The following DOLK variants were observed in gnomAD, a reference collection of about 807,000 sequenced individuals.
The protein encoded by DOLK is SEC59 homolog.
In DOLK, 20 loss-of-function variants were observed where a neutral mutation model predicts 31.7. The ratio of observed to expected loss-of-function variants is 0.63; its 90% CI spans 0.44 to 0.92. DOLK has a LOEUF of 0.92. Ranked by LOEUF, DOLK falls within the 40% of genes least tolerant of loss-of-function variation. The pLI is 0.00. For missense variants in DOLK, 594 were observed against 680.7 expected, an observed-to-expected ratio of 0.87 and a Z score of 1.42; for synonymous variants, 309 against 287.0, an observed-to-expected ratio of 1.08 and a Z score of -0.77.
rs903673216 is a variant in DOLK, at chr9:128,947,358, T to C, written c.-55A>G. 1.9e-6 allele frequency: 3 copies of C among 1,606,722 alleles called. No homozygotes were observed. The highest frequency in any genetic ancestry group is 8.5e-7 in the Non-Finnish European group (1 of 1,176,912). On this transcript the variant is annotated 5_prime_UTR_variant, in exon 1 of 1. Coordinates refer to ENST00000372586, the MANE Select transcript of DOLK (RefSeq NM_014908.4). The stretch of plus-strand genomic sequence containing the variant: ...GGGGCGACTACGGACGCCCTAGACT[T>C]CGGGCCCCTCAGCCCCGTCAAGCAG...
In DOLK at chr9:128,947,374, C is replaced by A. The variant is rs1318304824; in HGVS notation, c.-71G>T. 43 of 1,588,946 alleles carry A rather than the reference C, an allele frequency of 2.7e-5. No individual in the cohort carries two copies. The highest frequency in any genetic ancestry group is 3.4e-5 in the Non-Finnish European group (40 of 1,162,752). ...CCCTAGACTTCGGGCCCCTCAGCCC[C>A]GTCAAGCAGAGGGAGGCACTTTCAC... is the stretch of plus-strand genomic sequence containing the variant. On this transcript the variant is annotated 5_prime_UTR_variant, in exon 1 of 1. Transcript: ENST00000372586.
At position 128,946,200 on chromosome 9, in the gene DOLK, C is replaced by T. The variant is rs765151256; in HGVS notation, c.1104G>A (p.Ala368=). ...GCACATACTCCAGGAAGATGAAGAC[C>T]GCCAGGCATACAGTGGCGGCTACAT... is the stretch of plus-strand genomic sequence containing the variant. ...LLYVAATVCL[A]VFIFLEYVRY... is the part of the protein sequence containing the mutation. Residue 368 remains alanine, a synonymous_variant, in exon 1 of 1, where the codon GCG becomes GCA. Transcript: ENST00000372586. 6.2e-6 allele frequency: 10 copies of T among 1,614,154 alleles called. No individual in the cohort carries two copies. Among genetic ancestry groups the T allele is most frequent in the Admixed American group, 5.0e-5 (3 of 60,020 alleles).
In DOLK at chr9:128,945,639, A is replaced by G. The variant is rs781734143; in HGVS notation, c.*48T>C. 1.1e-5 allele frequency: 17 copies of G among 1,610,954 alleles called. No individual in the cohort carries two copies. The highest frequency in any genetic ancestry group is 8.5e-7 in the Non-Finnish European group (1 of 1,178,062). ...TAGCTGTCTGCTGTGGGGACTGTTC[A>G]CCCTCCCCATGTCTGTTTCCTCCGT... On this transcript the variant is annotated 3_prime_UTR_variant, in exon 1 of 1. Coordinates refer to ENST00000372586, the MANE Select transcript of DOLK (RefSeq NM_014908.4).
Position 128,946,988 on chromosome 9 carries a change from A to G in DOLK, c.316T>C (p.Phe106Leu). 6.2e-7 allele frequency: 1 copy of G among 1,606,910 alleles called. No individual in the cohort carries two copies. Among genetic ancestry groups the G allele is most frequent in the Non-Finnish European group, 8.5e-7 (1 of 1,178,778 alleles). ...KERCQTAGNP[F>L]FERFGIVVAA... ...ACCACAATGCCAAAACGCTCAAAGAACGGGTTCCCAGCAGTCTGGCACCGC... is the reference window on the plus strand; with the variant it reads ...ACCACAATGCCAAAACGCTCAAAGAGCGGGTTCCCAGCAGTCTGGCACCGC... The change falls in exon 1 of 1, where the codon TTC becomes CTC. Residue 106 changes from phenylalanine to leucine, a missense_variant. Transcript: ENST00000372586.
In DOLK at chr9:128,947,475, G is replaced by A; in HGVS notation, c.-172C>T. On this transcript the variant is annotated 5_prime_UTR_variant, in exon 1 of 1. Transcript: ENST00000372586. Reference sequence around the variant, plus strand: ...ACCGCAGGTCACTTCTGCGGCCTGGGAGCTGGCGCCCGGCCACCCCCCACA... The same window carrying A: ...ACCGCAGGTCACTTCTGCGGCCTGGAAGCTGGCGCCCGGCCACCCCCCACA... The A allele has an allele frequency of 5.1e-6, 5 of 984,354 alleles. No individual in the cohort carries two copies. Among genetic ancestry groups the A allele is most frequent in the Non-Finnish European group, 7.6e-6 (5 of 660,014 alleles). The allele number at this position is 984,354 out of a possible 1,614,324, so 61.0% of individuals were successfully genotyped here.
Position 128,947,563 on chromosome 9 carries a change from C to A in DOLK, c.-260G>T. The A allele has an allele frequency of 2.0e-6, 2 of 1,021,668 alleles. No homozygotes were observed. Among genetic ancestry groups the A allele is most frequent in the South Asian group, 1.7e-5 (1 of 58,420 alleles). 63.3% of individuals were successfully genotyped at this position (1,021,668 alleles called of 1,614,324 possible). A position where few individuals can be genotyped will look rare whatever the true frequency, so the allele number is the denominator to read the frequency against. The stretch of plus-strand genomic sequence containing the variant: ...CCTTCCTCACAGTTACAGCCGCCCC[C>A]GCTGCCGGCTCCTCACCTCTTTGGG... On this transcript the variant is annotated 5_prime_UTR_variant, in exon 1 of 1. Coordinates refer to ENST00000372586, the MANE Select transcript of DOLK (RefSeq NM_014908.4).
chr9:128,947,085 G>C lies in DOLK; in HGVS notation c.219C>G (p.Phe73Leu), dbSNP rs761385789. The change falls in exon 1 of 1, where the codon TTC (phenylalanine) becomes TTG (leucine). Residue 73 changes from phenylalanine (F) to leucine (L), a missense_variant. Coordinates refer to ENST00000372586, the MANE Select transcript of DOLK (RefSeq NM_014908.4). ...LLQQGSAVFQ[F>L]RMSANSGLLP... ...ATAGGCCACTGTTTGCGGACATTCG[G>C]AACTGGAAGACGGCGCTTCCCTGCT... The C allele has an allele frequency of 2.4e-5, 38 of 1,613,872 alleles. No homozygotes were observed. Among genetic ancestry groups the C allele is most frequent in the Non-Finnish European group, 3.1e-5 (36 of 1,180,036 alleles).
Position 128,946,779 on chromosome 9 carries a change from A to C in DOLK, c.525T>G (p.Val175=), listed in dbSNP as rs200278288. ...IEVLEVLLIF[V]YLNMILLYLL... ...GGTACAGCAGGATCATGTTGAGATA[A>C]ACGAAGATCAGAAGGACTTCCAGGA... The change falls in exon 1 of 1, where the codon GTT becomes GTG. Residue 175 remains valine, a synonymous_variant. Coordinates refer to ENST00000372586, the MANE Select transcript of DOLK (RefSeq NM_014908.4). 3.3e-4 allele frequency: 529 copies of C among 1,613,860 alleles called. No individual in the cohort carries two copies. The highest frequency in any genetic ancestry group is 3.1e-4 in the Non-Finnish European group (360 of 1,179,982).
rs1233146602 is a variant in DOLK at position 128,946,570 on chromosome 9, A to C, written c.734T>G (p.Phe245Cys). Residue 245 changes from phenylalanine to cysteine, a missense_variant, in exon 1 of 1, where the codon TTT becomes TGT. By Grantham distance (205) the Phe-to-Cys change is radical. Transcript: ENST00000372586. ...CCAGGTGCCTGAGTCCATGAAGACA[A>C]ACAGAGTGCTGAAGAAAATGCCCAT... ...VLMGIFFSTLFVFMDSGTWAS... is the reference protein window; with the variant it reads ...VLMGIFFSTLCVFMDSGTWAS... 1.2e-6 allele frequency: 2 copies of C among 1,614,076 alleles called. No individual in the cohort carries two copies. The highest frequency in any genetic ancestry group is 1.7e-6 in the Non-Finnish European group (2 of 1,180,006).
In DOLK at chr9:128,946,143, A is replaced by C; in HGVS notation, c.1161T>G (p.Thr387=). ...GAAAAAGGGACAGGAAGCTCCGTAG[A>C]GTGTGACCCAAAGGCTTGATGCGGA... ...RYFRIKPLGH[T]LRSFLSLFLD... is the part of the protein sequence containing the mutation. Residue 387 remains threonine (T), a synonymous_variant, in exon 1 of 1, where the codon ACT becomes ACG. Coordinates refer to ENST00000372586, the MANE Select transcript of DOLK (RefSeq NM_014908.4). 1 of 1,614,198 alleles carries C rather than the reference A, an allele frequency of 6.2e-7. No homozygotes were observed. Among genetic ancestry groups the C allele is most frequent in the Non-Finnish European group, 8.5e-7 (1 of 1,180,046 alleles).
Position 128,946,541 on chromosome 9 carries a change from A to C in DOLK, c.763T>G (p.Ser255Ala), listed in dbSNP as rs1564546053. 1 of 1,614,128 alleles carries C rather than the reference A, an allele frequency of 6.2e-7. No individual in the cohort carries two copies. The highest frequency in any genetic ancestry group is 8.5e-7 in the Non-Finnish European group (1 of 1,180,018). ...GTCATGAGGTGGAAGAAGATGGAGG[A>C]GGCCCAGGTGCCTGAGTCCATGAAG... The part of the protein sequence containing the change: ...FVFMDSGTWA[S>A]SIFFHLMTCV... Residue 255 changes from serine (S) to alanine (A), a missense_variant, in exon 1 of 1, where the codon TCC becomes GCC. Coordinates refer to ENST00000372586, the MANE Select transcript of DOLK (RefSeq NM_014908.4).
In DOLK at chr9:128,946,980, C is replaced by G. The variant is rs1841683382; in HGVS notation, c.324G>C (p.Glu108Asp). The change falls in exon 1 of 1, where the codon GAG (glutamate) becomes GAC (aspartate). Residue 108 changes from glutamate (E) to aspartate (D), a missense_variant. By Grantham distance (45) the Glu-to-Asp change is conservative (BLOSUM62 2). Transcript: ENST00000372586. ...RCQTAGNPFF[E>D]RFGIVVAATG... ...TGGCTGCCACCACAATGCCAAAACG[C>G]TCAAAGAACGGGTTCCCAGCAGTCT... The G allele has an allele frequency of 3.1e-6, 5 of 1,605,490 alleles. No individual in the cohort carries two copies. Among genetic ancestry groups the G allele is most frequent in the Non-Finnish European group, 4.2e-6 (5 of 1,178,584 alleles).
chr9:128,945,851 T>C lies in DOLK; in HGVS notation c.1453A>G (p.Ile485Val). The C allele has an allele frequency of 6.2e-7, 1 of 1,614,192 alleles. No individual in the cohort carries two copies. The highest frequency in any genetic ancestry group is 8.5e-7 in the Non-Finnish European group (1 of 1,180,046). The change falls in exon 1 of 1, where the codon ATT (isoleucine) becomes GTT (valine). Residue 485 changes from isoleucine to valine, a missense_variant. Coordinates refer to ENST00000372586, the MANE Select transcript of DOLK (RefSeq NM_014908.4). ...GTMTSIFAQI[I>V]SVALILIFDS... Reference sequence around the variant, plus strand: ...AAGATTAAGATCAGAGCTACAGAAATGATCTGCGCAAATATAGATGTCATG... The same window carrying C: ...AAGATTAAGATCAGAGCTACAGAAACGATCTGCGCAAATATAGATGTCATG...
Position 128,946,212 on chromosome 9 carries a change from A to C in DOLK, c.1092T>G (p.Thr364=), listed in dbSNP as rs1280785615. 6 of 1,614,232 alleles carry C rather than the reference A, an allele frequency of 3.7e-6. No individual in the cohort carries two copies. Among genetic ancestry groups the C allele is most frequent in the Middle Eastern group, 3.3e-4 (2 of 6,062 alleles). The change falls in exon 1 of 1, where the codon ACT becomes ACG. Residue 364 remains threonine, a synonymous_variant. Coordinates refer to ENST00000372586, the MANE Select transcript of DOLK (RefSeq NM_014908.4). ...FDRPLLYVAA[T]VCLAVFIFLE... ...GGAAGATGAAGACCGCCAGGCATACAGTGGCGGCTACATAGAGCAGTGGCC... is the reference window on the plus strand; with the variant it reads ...GGAAGATGAAGACCGCCAGGCATACCGTGGCGGCTACATAGAGCAGTGGCC...
In DOLK at chr9:128,946,416, GGT is replaced by G. The variant is rs768213501; in HGVS notation, c.886_887del (p.Thr296ProfsTer59). ...WLLQFLFQTD[T>X]RIYLLAYWSL... ...ACCAATAGGCTAGGAGGTAGATGCG[GGT>G]GTCTGTCTGGAAGAGAAACTGAAGA... On this transcript the variant is annotated frameshift_variant, in exon 1 of 1. Transcript: ENST00000372586. LOFTEE classifies it high-confidence loss of function. The G allele has an allele frequency of 6.2e-7, 1 of 1,613,920 alleles. No individual in the cohort carries two copies. The highest frequency in any genetic ancestry group is 8.5e-7 in the Non-Finnish European group (1 of 1,179,996).
chr9:128,947,558 G>A lies in DOLK; in HGVS notation c.-255C>T, dbSNP rs886063517. On this transcript the variant is annotated 5_prime_UTR_variant, in exon 1 of 1. Coordinates refer to ENST00000372586, the MANE Select transcript of DOLK (RefSeq NM_014908.4). ...TGCAGCCTTCCTCACAGTTACAGCCGCCCCCGCTGCCGGCTCCTCACCTCT... is the reference window on the plus strand; with the variant it reads ...TGCAGCCTTCCTCACAGTTACAGCCACCCCCGCTGCCGGCTCCTCACCTCT... 3.8e-5 allele frequency: 38 copies of A among 989,934 alleles called. No individual in the cohort carries two copies. In the Admixed American group the frequency reaches 9.6e-4, roughly 25 times the overall value. 61.3% of individuals were successfully genotyped at this position (989,934 alleles called of 1,614,324 possible).
rs1841683982 is a variant in DOLK, at chr9:128,947,000, C to A, written c.304G>T (p.Ala102Ser). 6 of 1,609,280 alleles carry A rather than the reference C, an allele frequency of 3.7e-6. No individual in the cohort carries two copies. Among genetic ancestry groups the A allele is most frequent in the Non-Finnish European group, 5.1e-6 (6 of 1,179,310 alleles). The change falls in exon 1 of 1, where the codon GCT (alanine) becomes TCT (serine). Residue 102 changes from alanine (A) to serine (S), a missense_variant. Coordinates refer to ENST00000372586, the MANE Select transcript of DOLK (RefSeq NM_014908.4). The part of the protein sequence containing the change: ...GLVMKERCQT[A>S]GNPFFERFGI... ...AAACGCTCAAAGAACGGGTTCCCAG[C>A]AGTCTGGCACCGCTCCTTCATGACT...
Position 128,947,198 on chromosome 9 carries a change from C to T in DOLK, c.106G>A (p.Ala36Thr), listed in dbSNP as rs1841688809. 2 of 1,613,008 alleles carry T rather than the reference C, an allele frequency of 1.2e-6. No homozygotes were observed. Among genetic ancestry groups the T allele is most frequent in the East Asian group, 2.2e-5 (1 of 44,856 alleles). The change falls in exon 1 of 1, where the codon GCA becomes ACA. Residue 36 changes from alanine to threonine, a missense_variant. By Grantham distance (58) the Ala-to-Thr change is moderately conservative (BLOSUM62 0). Transcript: ENST00000372586. ...CACGAGTATCGGTCCCATACGGTTGCGTGGATGCTCAGCACCACTGCAAAC... is the reference window on the plus strand; with the variant it reads ...CACGAGTATCGGTCCCATACGGTTGTGTGGATGCTCAGCACCACTGCAAAC... ...VVFAVVLSIH[A>T]TVWDRYSWCA...
chr9:128,946,236 C>T lies in DOLK; in HGVS notation c.1068G>A (p.Arg356=), dbSNP rs371490482. ...CAGTGGCGGCTACATAGAGCAGTGG[C>T]CGGTCAAAGATGATACCTGGGATGT... ...ATYIPGIIFD[R]PLLYVAATVC... is the part of the protein sequence containing the mutation. The change falls in exon 1 of 1, where the codon CGG becomes CGA. Residue 356 remains arginine, a synonymous_variant. Coordinates refer to ENST00000372586, the MANE Select transcript of DOLK (RefSeq NM_014908.4). 5 of 1,613,962 alleles carry T rather than the reference C, an allele frequency of 3.1e-6. No homozygotes were observed. The African/African-American group carries it at 5.3e-5, about 17-fold the overall frequency.
Sources: allele counts gnomAD v4.1 joint callset, GRCh38; gene constraint gnomAD v4.1.1; transcripts MANE v1.5; gene names NCBI Gene and HGNC (gene_info 2026-07-23, HGNC 2026-07-21).